Variants in TFG observed in about 807,000 individuals in gnomAD.
TFG encodes the protein protein TFG.
Under a neutral mutation model 51.4 loss-of-function variants are expected in TFG, and 22 were observed. The observed-to-expected ratio is 0.43, with a 90% CI of 0.31 to 0.61. The LOEUF is 0.61. Among genes scored for constraint, TFG ranks in the 20% least tolerant of loss-of-function variants. TFG has a pLI of 0.12. For missense variants in TFG, 419 were observed against 487.7 expected, an observed-to-expected ratio of 0.86 and a Z score of 1.33; for synonymous variants, 187 against 165.6, an observed-to-expected ratio of 1.13 and a Z score of -0.99.
intron 7 of TFG, among the ~76,000 whole-genome samples, chr3:100,746,735 A>G (rs2095135929): frequency 2.0e-5 from 3 of 151,854 alleles, no homozygotes; most frequent in Non-Finnish European, 2.9e-5. Context: ...TAAGGATCAG[A>G]TTACTTCCAG....
Position 100,713,808 on chromosome 3 carries a change from A to G in TFG, c.123A>G (p.Gln41=), listed in dbSNP as rs1182859145. The G allele has an allele frequency of 3.1e-6, 5 of 1,598,200 alleles. No homozygotes were observed. The highest frequency in any genetic ancestry group is 2.7e-5 in the African/African-American group (2 of 74,650). ...ITYDELVLMM[Q]RVFRGKLLSN... is the part of the protein sequence containing the mutation. ...ATGATGAATTAGTGCTAATGATGCA[A>G]CGAGTTTTCAGAGGAAAACTTCTGA... The change falls in exon 2 of 8, where the codon CAA becomes CAG. Residue 41 remains glutamine (Q), a synonymous_variant. Transcript: ENST00000240851.
chr3:100,709,906 G>A (rs2095024880), intron 1 of TFG, 185 bp downstream of exon 1: 1 of 124,184 alleles, frequency 8.1e-6, no homozygotes, highest in Non-Finnish European at 1.7e-5. Context: ...CCGGGGGGGA[G>A]GGCGGGCGGG....
chr3:100,738,759 T>C (rs1289272934), intron 6 of TFG, among the ~76,000 whole-genome samples: 1 of 152,224 alleles, frequency 6.6e-6, no homozygotes, highest in Admixed American at 6.5e-5. Context: ...TATTAATAAC[T>C]GATCTAATTC....
chr3:100,745,331 T>C (rs1298965079), intron 7 of TFG, among the ~76,000 whole-genome samples: 1 of 152,230 alleles, frequency 6.6e-6, no homozygotes, highest in African/African-American at 2.4e-5. Context: ...CAGTTTACTA[T>C]ACATGGAAAG....
chr3:100,712,270 A>G (rs1256756852), intron 1 of TFG, among the ~76,000 whole-genome samples: 3 of 152,206 alleles, frequency 2.0e-5, no homozygotes, highest in African/African-American at 7.2e-5. Context: ...ATTCATGAAA[A>G]CTTTTTTGAA....
At chr3:100,739,743 G>A (rs2095116165) in intron 6 of TFG, among the ~76,000 whole-genome samples, 2 of 151,916 alleles carry the variant, frequency 1.3e-5, no homozygotes, top group South Asian at 4.2e-4. Flanking sequence ...CTTTTAATTT[G>A]CTGGAGTAGT....
intron 1 of TFG, chr3:100,710,123 G>A (rs564069655): frequency 6.6e-6 from 1 of 152,482 alleles, no homozygotes; most frequent in South Asian, 2.1e-4. Context: ...ATACCCGAAG[G>A]AGCTCGGAAG....
chr3:100,728,635 A>T, intron 3 of TFG, 77 bp from the exon 4 acceptor site: 1 of 1,207,476 alleles, frequency 8.3e-7, no homozygotes, highest in Non-Finnish European at 1.1e-6. Flanking sequence ...AATTGTATTT[A>T]TTTTTCCTTG....
chr3:100,718,889 G>T (rs755200692), intron 2 of TFG, among the ~76,000 whole-genome samples: 2 of 152,002 alleles, frequency 1.3e-5, no homozygotes, highest in South Asian at 4.1e-4. Context: ...ATTTGTGTCC[G>T]TTAGATTCTG....
chr3:100,739,831 T>A (rs1185345649), intron 6 of TFG, among the ~76,000 whole-genome samples: 1 of 152,216 alleles, frequency 6.6e-6, no homozygotes, highest in African/African-American at 2.4e-5. Flanking sequence ...CTTTTTAATA[T>A]AACCACCATG....
Position 100,732,514 on chromosome 3 carries a change from T to C in TFG, c.422T>C (p.Val141Ala). 1 of 1,606,982 alleles carries C rather than the reference T, an allele frequency of 6.2e-7. No homozygotes were observed. The highest frequency in any genetic ancestry group is 2.2e-5 in the East Asian group (1 of 44,748). ...TATTCCTCTATTTTTACAGATACTG[T>C]GGATGGTAGGGAAGAAAAGTCTGCT... is the stretch of plus-strand genomic sequence containing the variant. ...PSTNIPENDT[V>A]DGREEKSASD... The change falls in exon 5 of 8, where the codon GTG becomes GCG. Residue 141 changes from valine (V) to alanine (A), a missense_variant. By Grantham distance (64) the Val-to-Ala change is moderately conservative. Coordinates refer to ENST00000240851, the MANE Select transcript of TFG (RefSeq NM_006070.6).
chr3:100,733,232 AAC>A lies in TFG; in HGVS notation c.580+564_580+565del, dbSNP rs528970040. ...GCTTTTTCTCTTTTCGGATTCTAAT[AAC>A]ACATACATTGGAGAGCTTGATACTG... On this transcript the variant is annotated intron_variant, in intron 5 of 7. Coordinates refer to ENST00000240851, the MANE Select transcript of TFG (RefSeq NM_006070.6). Among the ~76,000 whole-genome samples, 18 of 152,258 alleles carry A rather than the reference AAC, an allele frequency of 1.2e-4. No homozygotes were observed. The South Asian group carries it at 1.7e-3, about 14-fold the overall frequency.
Position 100,744,911 on chromosome 3 carries a change from A to G in TFG, c.800A>G (p.Gln267Arg). Reference protein sequence around the residue: ...QPQAPPQQPQQYGIQYSASYS... With the variant: ...QPQAPPQQPQRYGIQYSASYS... ...CAGGCTCCACCTCAGCAGCCTCAAC[A>G]GTATGGTATTCAGTATTCAGGTGAG... Residue 267 changes from glutamine (Q) to arginine (R), a missense_variant, in exon 7 of 8, where the codon CAG becomes CGG. Transcript: ENST00000240851. 1 of 1,613,080 alleles carries G rather than the reference A, an allele frequency of 6.2e-7. No individual in the cohort carries two copies. Among genetic ancestry groups the G allele is most frequent in the Non-Finnish European group, 8.5e-7 (1 of 1,179,256 alleles).
At chr3:100,741,389 A>G (rs1047809551) in intron 6 of TFG, among the ~76,000 whole-genome samples, 1 of 152,106 alleles carries the variant, frequency 6.6e-6, no homozygotes, top group African/African-American at 2.4e-5. Context: ...ATTTTTTTCT[A>G]AATGTTTAAA....
chr3:100,747,857 A>G (rs902260723), intron 7 of TFG, among the ~76,000 whole-genome samples: 7 of 152,108 alleles, frequency 4.6e-5, no homozygotes, highest in Admixed American at 6.5e-5. Flanking sequence ...TGGTCTTCCT[A>G]GAAAGTATAA....
intron 3 of TFG, among the ~76,000 whole-genome samples, chr3:100,723,074 C>T (rs889737064): frequency 6.6e-6 from 1 of 152,000 alleles, no homozygotes; most frequent in Non-Finnish European, 1.5e-5. Context: ...TTTATGTGTA[C>T]GTTTTAATGA....
chr3:100,737,009 C>G (rs1269434534), intron 6 of TFG, among the ~76,000 whole-genome samples: 2 of 152,166 alleles, frequency 1.3e-5, no homozygotes, highest in Non-Finnish European at 2.9e-5. Flanking sequence ...GAAGTTCAGA[C>G]TGGTGATTTC....
chr3:100,721,104 A>G (rs1013921430), intron 3 of TFG, among the ~76,000 whole-genome samples: 1 of 152,234 alleles, frequency 6.6e-6, no homozygotes, highest in African/African-American at 2.4e-5. Flanking sequence ...TTTAAAATAA[A>G]GGTATCTTTT....
intron 2 of TFG, among the ~76,000 whole-genome samples, 198 bp downstream of exon 2, chr3:100,714,067 A>C (rs918056628): frequency 5.9e-5 from 9 of 151,776 alleles, no homozygotes; most frequent in African/African-American, 1.9e-4. Context: ...CTGACCTTAA[A>C]GTCTTAAGTA....
Sources: allele counts gnomAD v4.1 joint callset (sites outside exome capture counted in the v4.1 genomes callset), GRCh38; gene constraint gnomAD v4.1.1; transcripts MANE v1.5; gene names NCBI Gene and HGNC (gene_info 2026-07-23, HGNC 2026-07-21).